ACYP2: variants seen among roughly 807,000 people sequenced by gnomAD.
The protein encoded by ACYP2 is acylphosphatase 2.
In ACYP2, 12 loss-of-function variants were observed where a neutral mutation model predicts 11.2. The ratio of observed to expected loss-of-function variants is 1.08; its 90% CI spans 0.69 to 1.74. The LOEUF is 1.74. ACYP2 is among the 40% of genes most tolerant of loss of function. The probability of loss-of-function intolerance (pLI) is 0.00; values close to 1 mark genes in which losing one functional copy is unlikely to be tolerated. For synonymous variants in ACYP2, 43 were observed against 32.2 expected, an observed-to-expected ratio of 1.33 and a Z score of -1.13; for missense variants, 134 against 101.9, an observed-to-expected ratio of 1.31 and a Z score of -1.35.
chr2:54,220,008 C>G (rs1002558072), intron 6 of ACYP2, among the ~76,000 whole-genome samples: 1 of 148,852 alleles, frequency 6.7e-6, no homozygotes. Flanking sequence ...TCCCAAAGTG[C>G]GGGATTACAG....
chr2:54,039,731 G>A (rs540071689), intron 2 of ACYP2, among the ~76,000 whole-genome samples: 16 of 152,058 alleles, frequency 1.1e-4, no homozygotes, highest in African/African-American at 3.6e-4. Context: ...TGGAGGGCTT[G>A]GAGGGTTTTT....
intron 6 of ACYP2, among the ~76,000 whole-genome samples, chr2:54,147,016 A>G (rs11125522): frequency 0.3 from 45,379 of 151,264 alleles, 7,545 homozygotes; most frequent in African/African-American, 0.47. Flanking sequence ...GGCTGGTCTC[A>G]AACTCCTGAC....
At chr2:54,085,728 G>C (rs1344831962) in intron 4 of ACYP2, among the ~76,000 whole-genome samples, 1 of 151,798 alleles carries the variant, frequency 6.6e-6, no homozygotes, top group African/African-American at 2.4e-5. Context: ...ATGTGAGACA[G>C]AGAGAGAGAG....
intron 4 of ACYP2, among the ~76,000 whole-genome samples, chr2:54,066,468 A>G (rs1229949185): frequency 6.6e-6 from 1 of 152,216 alleles, no homozygotes; most frequent in African/African-American, 2.4e-5. Flanking sequence ...CTTCAACCGT[A>G]TGAAATAGAT....
chr2:54,141,224 G>A (rs1430272402), intron 6 of ACYP2, among the ~76,000 whole-genome samples: 1 of 152,078 alleles, frequency 6.6e-6, no homozygotes, highest in Non-Finnish European at 1.5e-5. Context: ...GCTTTTGCAG[G>A]TATTTTCCCA....
rs549162267 is a variant in ACYP2, at chr2:53,989,708, A to C, written c.62+15898A>C. On this transcript the variant is annotated intron_variant, in intron 2 of 6. Transcript: ENST00000607452. The stretch of plus-strand genomic sequence containing the variant: ...TATGTACTTTGTGTCTTGAGTAAGC[A>C]ATGCCAAGATGAAGGGATGATAAGT... Among the ~76,000 whole-genome samples the C allele has an allele frequency of 2.6e-5, 4 of 152,290 alleles. No individual in the cohort carries two copies. The South Asian group carries it at 6.2e-4, about 24-fold the overall frequency.
intron 6 of ACYP2, among the ~76,000 whole-genome samples, chr2:54,265,258 G>A (rs1236192257): frequency 6.6e-6 from 1 of 152,156 alleles, no homozygotes; most frequent in Non-Finnish European, 1.5e-5. Context: ...TGGAAGGCAA[G>A]GAGGAGCAAG....
chr2:53,980,522 G>A (rs1188262694), intron 2 of ACYP2, among the ~76,000 whole-genome samples: 4 of 152,042 alleles, frequency 2.6e-5, no homozygotes, highest in Admixed American at 2.0e-4. Flanking sequence ...TTCAAGATCA[G>A]GCTGGGCAAC....
chr2:54,147,426 C>A (rs1016926045), intron 6 of ACYP2, among the ~76,000 whole-genome samples: 2 of 152,126 alleles, frequency 1.3e-5, no homozygotes. Context: ...CTGTGAGGTC[C>A]ATGGGGGTAA....
intron 4 of ACYP2, among the ~76,000 whole-genome samples, chr2:54,062,332 C>T (rs1276111097): frequency 1.3e-5 from 2 of 152,170 alleles, no homozygotes; most frequent in African/African-American, 2.4e-5. Context: ...CCCAATCATA[C>T]ACCTGTTTTT....
chr2:54,121,808 C>T (rs1404703163), intron 4 of ACYP2, among the ~76,000 whole-genome samples: 3 of 152,216 alleles, frequency 2.0e-5, no homozygotes, highest in African/African-American at 7.2e-5. Context: ...ATGTGTCTCT[C>T]ACTAGAAAAT....
intron 3 of ACYP2, among the ~76,000 whole-genome samples, chr2:54,055,319 C>T (rs1676082871): frequency 6.6e-6 from 1 of 152,100 alleles, no homozygotes; most frequent in African/African-American, 2.4e-5. Context: ...TACAGGCACC[C>T]AGCCTGGTTT....
chr2:54,003,452 G>T (rs1022691174), intron 2 of ACYP2, among the ~76,000 whole-genome samples: 7 of 152,020 alleles, frequency 4.6e-5, no homozygotes, highest in East Asian at 1.9e-4. Context: ...TATAGATGGG[G>T]TTTCTCCATG....
chr2:54,093,111 C>T (rs548061886), intron 4 of ACYP2, among the ~76,000 whole-genome samples: 7 of 152,210 alleles, frequency 4.6e-5, no homozygotes, highest in African/African-American at 9.6e-5. Flanking sequence ...GAGTTGTGTG[C>T]CTCCTACATG....
chr2:54,140,203 A>G (rs1177493170), intron 6 of ACYP2, among the ~76,000 whole-genome samples: 1 of 152,208 alleles, frequency 6.6e-6, no homozygotes, highest in African/African-American at 2.4e-5. Flanking sequence ...TGATAGTTCA[A>G]TGGAAGAGAA....
intron 2 of ACYP2, among the ~76,000 whole-genome samples, chr2:53,977,734 CAAA>C (rs56342315): frequency 9.8e-5 from 7 of 71,554 alleles, no homozygotes; most frequent in Non-Finnish European, 5.7e-5. Flanking sequence ...GACTCCATCT[CAAA>C]AAAAAAAAAA....
intron 4 of ACYP2, among the ~76,000 whole-genome samples, chr2:54,122,675 C>T (rs907576037): frequency 1.3e-5 from 2 of 152,200 alleles, no homozygotes; most frequent in Non-Finnish European, 2.9e-5. Context: ...ATGCTTCATA[C>T]TAGGAATCAG....
At chr2:54,147,818 C>T (rs1281055121) in intron 6 of ACYP2, among the ~76,000 whole-genome samples, 1 of 152,168 alleles carries the variant, frequency 6.6e-6, no homozygotes, top group Non-Finnish European at 1.5e-5. Flanking sequence ...AGTTACCACA[C>T]CTGGCCCCTC....
chr2:54,254,642 T>A (rs1054436376), intron 6 of ACYP2: 2 of 395,676 alleles, frequency 5.1e-6, no homozygotes, highest in African/African-American at 4.0e-5. Flanking sequence ...GTAAATACAG[T>A]GTAACCTACA....
Sources: gnomAD v4.1 joint callset for allele counts (sites outside exome capture counted in the v4.1 genomes callset) on GRCh38, gnomAD v4.1.1 for gene constraint, MANE v1.5 for transcripts, NCBI Gene and HGNC (gene_info 2026-07-23, HGNC 2026-07-21) for gene names.